The following DOP1B variants were observed in gnomAD, a reference collection of about 807,000 sequenced individuals.
DOP1B encodes the protein DOP1 leucine zipper like protein B.
DOP1B carries 174 observed loss-of-function variants against 233.5 expected under a neutral mutation model. That is an observed-to-expected ratio of 0.75 (90% confidence interval 0.66 to 0.85). DOP1B has a LOEUF of 0.85. Ranked by LOEUF, DOP1B falls within the 40% of genes least tolerant of loss-of-function variation. The pLI, the probability that DOP1B is intolerant of heterozygous loss-of-function variation, is 0.00. For missense variants in DOP1B, 2,652 were observed against 2,846.6 expected (o/e 0.93, Z 1.56); for synonymous variants, 1,190 against 1,185.6 (o/e 1.00, Z -0.08).
At position 36,212,016 on chromosome 21, in the gene DOP1B, G is replaced by T; in HGVS notation, c.823G>T (p.Val275Leu). 6.2e-7 allele frequency: 1 copy of T among 1,613,874 alleles called. No individual in the cohort carries two copies. The highest frequency in any genetic ancestry group is 8.5e-7 in the Non-Finnish European group (1 of 1,179,976). The change falls in exon 7 of 37, where the codon GTG becomes TTG. Residue 275 changes from valine (V) to leucine (L), a missense_variant. Coordinates refer to ENST00000691173, the MANE Select transcript of DOP1B (RefSeq NM_001320714.2). ...CATCCCCCTCCTCAGATCTGACATC[G>T]TGCGCATTCTCTCAGCCGCCACCCA... The part of the protein sequence containing the change: ...RAIPLLRSDI[V>L]RILSAATQTL...
intron 1 of DOP1B, among the ~76,000 whole-genome samples, chr21:36,158,541 C>T (rs942226025): frequency 6.6e-6 from 1 of 152,004 alleles, no homozygotes; most frequent in African/African-American, 2.4e-5. Flanking sequence ...CGTGGTGGCT[C>T]ACACCTGTAA....
At chr21:36,267,368 T>C (rs1428446439) in intron 26 of DOP1B, among the ~76,000 whole-genome samples, 2 of 152,244 alleles carry the variant, frequency 1.3e-5, no homozygotes, top group African/African-American at 4.8e-5. Context: ...ATACAATTTA[T>C]GGTTTTTTCA....
chr21:36,204,291 A>C (rs532540583), intron 4 of DOP1B, among the ~76,000 whole-genome samples: 1 of 152,290 alleles, frequency 6.6e-6, no homozygotes, highest in East Asian at 1.9e-4. Flanking sequence ...GAGTTGAAAA[A>C]TATTTATTGA....
At chr21:36,210,634 G>A (rs1166433206) in intron 5 of DOP1B, among the ~76,000 whole-genome samples, 1 of 152,078 alleles carries the variant, frequency 6.6e-6, no homozygotes, top group East Asian at 1.9e-4. Context: ...GTCAAAGCGA[G>A]ACTCTGTCTG....
rs1263468652 is a variant in DOP1B at position 36,221,523 on chromosome 21, A to G, written c.1251-1708A>G. Among the ~76,000 whole-genome samples, 4 of 151,808 alleles carry G rather than the reference A, an allele frequency of 2.6e-5. No homozygotes were observed. In the East Asian group the frequency reaches 7.8e-4, roughly 30 times the overall value. ...AAATAAATAAAAATAATAAATCCTG[A>G]CTGACCAATTTCTTATTGATTGACT... On this transcript the variant is annotated intron_variant, in intron 10 of 36. Transcript: ENST00000691173.
rs116038493 is a variant in DOP1B at position 36,169,726 on chromosome 21, G to A, written c.138+4855G>A. ...GGGTGACTTGGCAGTGCTTCCTCAT[G>A]CTGCTGAAGTCTTCTCCAGCTGCTT... On this transcript the variant is annotated intron_variant, in intron 2 of 36. Coordinates refer to ENST00000691173, the MANE Select transcript of DOP1B (RefSeq NM_001320714.2). 1,040 of 1,011,344 alleles carry A rather than the reference G, an allele frequency of 1.0e-3. 10 individuals carry two copies. The African/African-American group carries it at 0.015, about 14-fold the overall frequency. The allele number at this position is 1,011,344 out of a possible 1,614,324, so 62.6% of individuals were successfully genotyped here. A position where few individuals can be genotyped will look rare whatever the true frequency, so the allele number is the denominator to read the frequency against.
intron 2 of DOP1B, among the ~76,000 whole-genome samples, chr21:36,176,001 C>A (rs1213773567): frequency 4.6e-5 from 7 of 151,962 alleles, no homozygotes. Context: ...GGTCTTTTAT[C>A]ACACACCTTG....
chr21:36,190,570 G>T lies in DOP1B; in HGVS notation c.139-8500G>T, dbSNP rs1283676211. Among the ~76,000 whole-genome samples, 3 of 151,936 alleles carry T rather than the reference G, an allele frequency of 2.0e-5. No individual in the cohort carries two copies. The East Asian group carries it at 5.9e-4, about 30-fold the overall frequency. On this transcript the variant is annotated intron_variant, in intron 2 of 36. Transcript: ENST00000691173. ...GTGCTACTACGCCTGGCTAATTTTT[G>T]TATTTTTAGTAGGGACAGGGTTTCG...
At chr21:36,232,435 C>G (rs986974787) in intron 14 of DOP1B, among the ~76,000 whole-genome samples, 3 of 152,142 alleles carry the variant, frequency 2.0e-5, no homozygotes, top group Non-Finnish European at 4.4e-5. Flanking sequence ...ACTTTTTGGC[C>G]TCTTCAGCTT....
intron 2 of DOP1B, among the ~76,000 whole-genome samples, chr21:36,175,539 C>A (rs2066013174): frequency 2.0e-5 from 3 of 151,916 alleles, no homozygotes; most frequent in Admixed American, 1.3e-4. Flanking sequence ...TGCTTGTAAT[C>A]CCTTGGCCTA....
chr21:36,219,253 A>G, intron 9 of DOP1B, 119 bp from the exon 10 acceptor site: 3 of 1,301,172 alleles, frequency 2.3e-6, no homozygotes, highest in Non-Finnish European at 2.1e-6. Context: ...ATTTTAGACT[A>G]TATAAAATGT....
chr21:36,199,156 G>A lies in DOP1B; in HGVS notation c.225G>A (p.Leu75=). 1 of 1,614,082 alleles carries A rather than the reference G, an allele frequency of 6.2e-7. No individual in the cohort carries two copies. The highest frequency in any genetic ancestry group is 8.5e-7 in the Non-Finnish European group (1 of 1,180,022). The change falls in exon 3 of 37, where the codon CTG becomes CTA. Residue 75 remains leucine (L), a synonymous_variant. Coordinates refer to ENST00000691173, the MANE Select transcript of DOP1B (RefSeq NM_001320714.2). ...KRLAQCLHPA[L]PSGVHLKALE... ...TAGCTCAGTGTTTGCACCCTGCCCT[G>A]CCCAGTGGTGTCCACTTAAAAGCTC...
chr21:36,285,671 C>G (rs1291005998), intron 32 of DOP1B, among the ~76,000 whole-genome samples: 1 of 152,030 alleles, frequency 6.6e-6, no homozygotes, highest in African/African-American at 2.4e-5. Flanking sequence ...TAGATGCATC[C>G]AGAAGCTCCC....
At chr21:36,278,507 A>C in intron 30 of DOP1B, 152 bp downstream of exon 30, 2 of 727,242 alleles carry the variant, frequency 2.8e-6, no homozygotes, top group Non-Finnish European at 4.4e-6. Flanking sequence ...CATGTTGACC[A>C]TGTGTTCATG....
intron 22 of DOP1B, among the ~76,000 whole-genome samples, chr21:36,252,893 A>G (rs535000060): frequency 1.3e-5 from 2 of 152,002 alleles, no homozygotes; most frequent in Non-Finnish European, 2.9e-5. Flanking sequence ...TTCAACCTCA[A>G]TCCTCTTCCT....
intron 2 of DOP1B, among the ~76,000 whole-genome samples, chr21:36,168,104 C>T (rs1015641871): frequency 2.0e-5 from 3 of 151,612 alleles, no homozygotes; most frequent in Admixed American, 6.6e-5. Context: ...CCACCACACC[C>T]GGCTAATTTT....
At chr21:36,231,321 C>T (rs1192702314) in intron 14 of DOP1B, among the ~76,000 whole-genome samples, 187 bp downstream of exon 14, 1 of 152,210 alleles carries the variant, frequency 6.6e-6, no homozygotes, top group Non-Finnish European at 1.5e-5. Context: ...AATCCAAAAT[C>T]CAAGAGCTCC....
intron 24 of DOP1B, among the ~76,000 whole-genome samples, chr21:36,263,244 A>G (rs1276567346): frequency 6.6e-6 from 1 of 151,598 alleles, no homozygotes; most frequent in Non-Finnish European, 1.5e-5. Context: ...CACCAAAAAA[A>G]AAAAAAAAAA....
At chr21:36,259,313 T>C (rs8132423) in intron 23 of DOP1B, among the ~76,000 whole-genome samples, 98,177 of 148,192 alleles carry the variant, frequency 0.66, 34,445 homozygotes, top group African/African-American at 0.92. Flanking sequence ...CTCTGTTGCC[T>C]AGCCTAGAGT....
Sources: allele counts gnomAD v4.1 joint callset (sites outside exome capture counted in the v4.1 genomes callset), GRCh38; gene constraint gnomAD v4.1.1; transcripts MANE v1.5; gene names NCBI Gene and HGNC (gene_info 2026-07-23, HGNC 2026-07-21).